IMMP2L: variants seen among roughly 807,000 people sequenced by gnomAD.
IMMP2L encodes inner mitochondrial membrane peptidase subunit 2, also known as mitochondrial inner membrane protease subunit 2.
Under a neutral mutation model 19.3 loss-of-function variants are expected in IMMP2L, and 18 were observed. The observed-to-expected ratio is 0.93, with a 90% CI of 0.64 to 1.38. The LOEUF is 1.38. IMMP2L is among the 40% of genes most tolerant of loss of function. IMMP2L has a pLI of 0.00. For synonymous variants in IMMP2L, 76 were observed against 73.0 expected (o/e 1.04, Z -0.21); for missense variants, 233 against 218.2 (o/e 1.07, Z -0.43).
chr7:110,687,851 G>A (rs1440172846), intron 5 of IMMP2L, among the ~76,000 whole-genome samples: 4 of 151,910 alleles, frequency 2.6e-5, no homozygotes, highest in Non-Finnish European at 5.9e-5. Context: ...AAGAGGTGGA[G>A]TCTATTTCTT....
intron 3 of IMMP2L, among the ~76,000 whole-genome samples, chr7:111,300,092 G>GTA (rs1041506398): frequency 6.6e-6 from 1 of 152,188 alleles, no homozygotes; most frequent in Admixed American, 6.5e-5. Flanking sequence ...GTTCTTAGTT[G>GTA]AGTAAGTGAT....
At chr7:111,531,220 G>T (rs894791110) in intron 1 of IMMP2L, among the ~76,000 whole-genome samples, 3 of 151,894 alleles carry the variant, frequency 2.0e-5, no homozygotes, top group African/African-American at 7.3e-5. Flanking sequence ...CTCCCAAAGT[G>T]CTGGGATTAC....
rs566180463 is a variant in IMMP2L at position 111,010,108 on chromosome 7, T to C, written c.240-46543A>G. ...AGATAAATATTCCAAGCATTTCCCA[T>C]AGATTTTACAGGCAAAGTAAAAAGT... On this transcript the variant is annotated intron_variant, in intron 3 of 5. Transcript: ENST00000405709. Among the ~76,000 whole-genome samples the C allele has an allele frequency of 3.9e-5, 6 of 152,264 alleles. 1 individual carries two copies. The South Asian group carries it at 1.2e-3, about 32-fold the overall frequency.
intron 5 of IMMP2L, among the ~76,000 whole-genome samples, chr7:110,797,915 AT>A (rs1800971109): frequency 6.6e-6 from 1 of 152,030 alleles, no homozygotes; most frequent in African/African-American, 2.4e-5. Context: ...TGGATCTTGC[AT>A]TGTGCCCATG....
chr7:110,715,261 T>C (rs1795164323), intron 5 of IMMP2L, among the ~76,000 whole-genome samples: 1 of 152,180 alleles, frequency 6.6e-6, no homozygotes, highest in Non-Finnish European at 1.5e-5. Flanking sequence ...GGGTTTCAAT[T>C]GCTTTCACTT....
At position 110,783,940 on chromosome 7, in the gene IMMP2L, C is replaced by T. The variant is rs117416418; in HGVS notation, c.408+102653G>A. Among the ~76,000 whole-genome samples, 1,279 of 151,806 alleles carry T rather than the reference C, an allele frequency of 8.4e-3. 8 individuals are homozygous for T. The highest frequency in any genetic ancestry group is 0.013 in the Non-Finnish European group (910 of 67,836). On this transcript the variant is annotated intron_variant, in intron 5 of 5. Coordinates refer to ENST00000405709, the MANE Select transcript of IMMP2L (RefSeq NM_032549.4). The stretch of plus-strand genomic sequence containing the variant: ...CCTCCATAAAAAGACATTGGACTAG[C>T]CTATCATTAAGTTCATTATAACTAT...
intron 5 of IMMP2L, among the ~76,000 whole-genome samples, chr7:110,880,803 T>C (rs1809562594): frequency 6.6e-6 from 1 of 152,116 alleles, no homozygotes. Flanking sequence ...ATAAAATGAA[T>C]GTGTTTAATT....
chr7:111,307,911 G>C (rs2130186964), intron 3 of IMMP2L, among the ~76,000 whole-genome samples: 1 of 151,756 alleles, frequency 6.6e-6, no homozygotes, highest in South Asian at 2.1e-4. Flanking sequence ...CCAAAATCAG[G>C]CCTGATATTA....
At chr7:110,979,384 C>T (rs968360968) in intron 3 of IMMP2L, among the ~76,000 whole-genome samples, 1 of 152,044 alleles carries the variant, frequency 6.6e-6, no homozygotes, top group Non-Finnish European at 1.5e-5. Flanking sequence ...TGTTTTCTAA[C>T]TCTACACATT....
intron 4 of IMMP2L, among the ~76,000 whole-genome samples, chr7:110,888,413 C>T (rs571235591): frequency 6.6e-6 from 1 of 152,206 alleles, no homozygotes; most frequent in East Asian, 1.9e-4. Context: ...GTTTGTTCAC[C>T]TTATTAAGCT....
At position 111,070,944 on chromosome 7, in the gene IMMP2L, A is replaced by G. The variant is rs553635672; in HGVS notation, c.240-107379T>C. Among the ~76,000 whole-genome samples the G allele has an allele frequency of 9.8e-5, 15 of 152,304 alleles. No homozygotes were observed. In the South Asian group the frequency reaches 1.2e-3, roughly 13 times the overall value. On this transcript the variant is annotated intron_variant, in intron 3 of 5. Coordinates refer to ENST00000405709, the MANE Select transcript of IMMP2L (RefSeq NM_032549.4). ...GGAGAAAAATCATGACTTTAAAAAC[A>G]TTTGTACTTTTTAAATAACATGATG...
At chr7:111,134,441 A>T (rs1353123674) in intron 3 of IMMP2L, among the ~76,000 whole-genome samples, 5 of 151,990 alleles carry the variant, frequency 3.3e-5, no homozygotes, top group Non-Finnish European at 7.4e-5. Context: ...CCCTCCTAAG[A>T]AGCAAAGTTT....
chr7:111,147,222 T>C (rs1803573632), intron 3 of IMMP2L, among the ~76,000 whole-genome samples: 2 of 152,134 alleles, frequency 1.3e-5, no homozygotes, highest in South Asian at 4.1e-4. Flanking sequence ...GCTGCCGTTG[T>C]TGTTGCTGTT....
intron 3 of IMMP2L, among the ~76,000 whole-genome samples, chr7:111,023,504 C>T (rs1826498787): frequency 6.6e-6 from 1 of 150,430 alleles, no homozygotes; most frequent in South Asian, 2.1e-4. Flanking sequence ...AGTTCAAGAC[C>T]AGCCTGGCCA....
chr7:111,294,163 T>C (rs1201381123), intron 3 of IMMP2L, among the ~76,000 whole-genome samples: 1 of 151,896 alleles, frequency 6.6e-6, no homozygotes, highest in East Asian at 1.9e-4. Flanking sequence ...GTTTGGGTTA[T>C]TTTCTTTACC....
chr7:110,800,905 A>G (rs1801193709), intron 5 of IMMP2L, among the ~76,000 whole-genome samples: 1 of 152,096 alleles, frequency 6.6e-6, no homozygotes, highest in African/African-American at 2.4e-5. Flanking sequence ...ACTCTATTCC[A>G]CAAGTCTTAG....
intron 5 of IMMP2L, among the ~76,000 whole-genome samples, chr7:110,807,059 T>C (rs562040808): frequency 1.3e-5 from 2 of 151,990 alleles, no homozygotes; most frequent in Non-Finnish European, 2.9e-5. Flanking sequence ...TCCCCATCTC[T>C]GTATCAATTC....
chr7:111,139,393 A>G (rs214849), intron 3 of IMMP2L, among the ~76,000 whole-genome samples: 15,111 of 152,054 alleles, frequency 0.099, 1,797 homozygotes, highest in African/African-American at 0.28. Context: ...ACTGGACTAG[A>G]TTGGTATTTC....
At chr7:111,306,046 G>C (rs1371490128) in intron 3 of IMMP2L, among the ~76,000 whole-genome samples, 1 of 152,080 alleles carries the variant, frequency 6.6e-6, no homozygotes. Flanking sequence ...GGATCACTTT[G>C]ATATCTTTGT....
Sources: gnomAD v4.1 joint callset for allele counts (sites outside exome capture counted in the v4.1 genomes callset) on GRCh38, gnomAD v4.1.1 for gene constraint, MANE v1.5 for transcripts, NCBI Gene and HGNC (gene_info 2026-07-23, HGNC 2026-07-21) for gene names.